Variants in FAN1 observed in about 807,000 individuals in gnomAD.
FAN1 encodes fanconi-associated nuclease 1.
In FAN1, 91 loss-of-function variants were observed where a neutral mutation model predicts 104.9. That is an observed-to-expected ratio of 0.87 (90% CI 0.73 to 1.03). FAN1 has a LOEUF of 1.03. Among genes scored for constraint, FAN1 ranks in the 50% least tolerant of loss-of-function variants. The pLI, the probability that FAN1 is intolerant of heterozygous loss-of-function variation, is 0.00. For synonymous variants in FAN1, 478 were observed against 457.6 expected, an observed-to-expected ratio of 1.04 and a Z score of -0.57; for missense variants, 1,263 against 1,239.9, an observed-to-expected ratio of 1.02 and a Z score of -0.28.
chr15:30,939,389 ACTG>A, intron 14 of FAN1: 3 of 985,430 alleles, frequency 3.0e-6, no homozygotes, highest in Non-Finnish European at 3.6e-6. Context: ...CAGCCACACC[ACTG>A]CTGTCACCAC....
At chr15:30,928,783 G>A in intron 11 of FAN1, 127 bp downstream of exon 11, 1 of 1,504,488 alleles carries the variant, frequency 6.6e-7, no homozygotes, top group South Asian at 1.3e-5. Flanking sequence ...GTCATCCACA[G>A]GTCAAGATGA....
Position 30,930,597 on chromosome 15 carries a change from G to T in FAN1, c.2842G>T (p.Ala948Ser), listed in dbSNP as rs756568550. 1.9e-6 allele frequency: 3 copies of T among 1,612,820 alleles called. No homozygotes were observed. Among genetic ancestry groups the T allele is most frequent in the African/African-American group, 1.3e-5 (1 of 74,852 alleles). ...PVLSGVCRHLAADFRHCRGGL... is the reference protein window; with the variant it reads ...PVLSGVCRHLSADFRHCRGGL... ...GCTCAGTGGTGTGTGCAGGCACCTG[G>T]CTGCTGACTTTCGACACTGTCGAGG... The change falls in exon 13 of 15, where the codon GCT becomes TCT. Residue 948 changes from alanine (A) to serine (S), a missense_variant. Transcript: ENST00000362065.
Position 30,943,091 on chromosome 15 carries a change from A to C in FAN1, c.*1529A>C. On this transcript the variant is annotated 3_prime_UTR_variant, in exon 15 of 15. Coordinates refer to ENST00000362065, the MANE Select transcript of FAN1 (RefSeq NM_014967.5). ...CAAATTCCTGCAAAATAAATAAATA[A>C]ATATTTGCAAAACTAAAGATTCTCT... is the stretch of plus-strand genomic sequence containing the variant. 6.5e-7 allele frequency: 1 copy of C among 1,528,586 alleles called. No individual in the cohort carries two copies. The highest frequency in any genetic ancestry group is 8.8e-7 in the Non-Finnish European group (1 of 1,138,548). The allele number at this position is 1,528,586 out of a possible 1,614,324, so 94.7% of individuals were successfully genotyped here. A position where few individuals can be genotyped will look rare whatever the true frequency, so the allele number is the denominator to read the frequency against.
chr15:30,929,745 C>A (rs12899378), intron 12 of FAN1, among the ~76,000 whole-genome samples: 11 of 35,420 alleles, frequency 3.1e-4, no homozygotes, highest in East Asian at 1.3e-3. Flanking sequence ...TATATTATAT[C>A]ATATATAATA....
intron 10 of FAN1, 123 bp downstream of exon 10, chr15:30,926,062 T>A: frequency 1.0e-6 from 1 of 995,220 alleles, no homozygotes; most frequent in South Asian, 1.5e-5. Context: ...GAAGATGCTG[T>A]GGGCTGGGGG....
Position 30,913,999 on chromosome 15 carries a change from A to G in FAN1, c.1719A>G (p.Thr573=), listed in dbSNP as rs751548724. ...AACGGQGQLS[T]VLLVNLGRME... is the part of the protein sequence containing the mutation. The stretch of plus-strand genomic sequence containing the variant: ...GTGGAGGTCAGGGACAGCTTTCAAC[A>G]GTCCTGTTGGTCAACCTCGGCCGAA... Residue 573 remains threonine, a synonymous_variant, in exon 5 of 15, where the codon ACA becomes ACG. Coordinates refer to ENST00000362065, the MANE Select transcript of FAN1 (RefSeq NM_014967.5). 3.5e-5 allele frequency: 57 copies of G among 1,614,062 alleles called. No homozygotes were observed. The highest frequency in any genetic ancestry group is 4.7e-5 in the Non-Finnish European group (55 of 1,180,010).
At chr15:30,912,815 T>C (rs2062126333) in intron 4 of FAN1, among the ~76,000 whole-genome samples, 1 of 152,142 alleles carries the variant, frequency 6.6e-6, no homozygotes, top group South Asian at 2.1e-4. Context: ...TCCTATAATT[T>C]ACAGGACAGC....
chr15:30,904,230 T>G (rs1227456583), intron 1 of FAN1, among the ~76,000 whole-genome samples: 2 of 152,214 alleles, frequency 1.3e-5, no homozygotes, highest in African/African-American at 4.8e-5. Flanking sequence ...ACAGTGGTCT[T>G]GTAAAGGGTC....
chr15:30,916,584 C>T (rs1363555695), intron 5 of FAN1, among the ~76,000 whole-genome samples: 1 of 152,168 alleles, frequency 6.6e-6, no homozygotes, highest in Admixed American at 6.5e-5. Flanking sequence ...TAATTGACTT[C>T]TGGAAAGGTA....
intron 6 of FAN1, among the ~76,000 whole-genome samples, chr15:30,918,643 C>T (rs566825224): frequency 1.3e-5 from 2 of 152,220 alleles, no homozygotes; most frequent in African/African-American, 4.8e-5. Context: ...ATGTGGGAAG[C>T]ATGGTAGGTG....
chr15:30,909,780 C>T (rs559925913), intron 3 of FAN1, among the ~76,000 whole-genome samples: 4 of 152,344 alleles, frequency 2.6e-5, no homozygotes, highest in South Asian at 4.1e-4. Flanking sequence ...GTTTCCACCA[C>T]GTGGCCACAC....
intron 13 of FAN1, among the ~76,000 whole-genome samples, chr15:30,933,914 TC>T (rs1442248529): frequency 3.3e-5 from 5 of 152,110 alleles, no homozygotes; most frequent in African/African-American, 1.2e-4. Context: ...GCATGCACCA[TC>T]ATGCCCAGCT....
In FAN1 at chr15:30,942,869, G is replaced by A. The variant is rs767753890; in HGVS notation, c.*1307G>A. On this transcript the variant is annotated 3_prime_UTR_variant, in exon 15 of 15. Transcript: ENST00000362065. ...TTGGTTACGTGTGAGCCAACATCAC[G>A]TTTTGTTAGCTGTGATTTACCTTTG... 3 of 1,546,856 alleles carry A rather than the reference G, an allele frequency of 1.9e-6. No homozygotes were observed. Among genetic ancestry groups the A allele is most frequent in the East Asian group, 2.4e-5 (1 of 41,914 alleles).
chr15:30,935,991 A>T (rs761345780), intron 13 of FAN1, among the ~76,000 whole-genome samples: 47 of 152,092 alleles, frequency 3.1e-4, no homozygotes, highest in Admixed American at 5.2e-4. Context: ...TCAAATTTGG[A>T]AAATTTTTGG....
At chr15:30,921,439 T>C (rs1159658924) in intron 7 of FAN1, among the ~76,000 whole-genome samples, 1 of 152,214 alleles carries the variant, frequency 6.6e-6, no homozygotes, top group Non-Finnish European at 1.5e-5. Context: ...TTTGTGAAAT[T>C]GCTAGATTTC....
At chr15:30,929,089 G>A in intron 11 of FAN1, 114 bp from the exon 12 acceptor site, 4 of 876,874 alleles carry the variant, frequency 4.6e-6, no homozygotes. Context: ...TATCTTTTGA[G>A]AGAAAGAATG....
At chr15:30,908,569 G>A (rs1158169820) in intron 3 of FAN1, among the ~76,000 whole-genome samples, 2 of 152,184 alleles carry the variant, frequency 1.3e-5, no homozygotes, top group Non-Finnish European at 2.9e-5. Flanking sequence ...ATCCCGGCCG[G>A]GCACGGTGGC....
chr15:30,905,366 A>G lies in FAN1; in HGVS notation c.703A>G (p.Lys235Glu). 1 of 1,614,080 alleles carries G rather than the reference A, an allele frequency of 6.2e-7. No homozygotes were observed. The highest frequency in any genetic ancestry group is 8.5e-7 in the Non-Finnish European group (1 of 1,180,008). Residue 235 changes from lysine to glutamate, a missense_variant, in exon 2 of 15, where the codon AAA (lysine) becomes GAA (glutamate). Around this residue, in one of 2 missense-constraint regions of FAN1, gnomAD observed 682 missense variants for 571.1 expected, o/e 1.19. Coordinates refer to ENST00000362065, the MANE Select transcript of FAN1 (RefSeq NM_014967.5). The part of the protein sequence containing the change: ...CIPEHMVRGS[K>E]IMEAESQKAT... ...TCCTGAACATATGGTAAGAGGAAGT[A>G]AAATAATGGAAGCCGAAAGCCAAAA...
rs745892595 is a variant in FAN1, at chr15:30,925,203, C to T, written c.2249C>T (p.Ala750Val). The change falls in exon 9 of 15, where the codon GCC (alanine) becomes GTC (valine). Residue 750 changes from alanine to valine, a missense_variant. By Grantham distance (64) the Ala-to-Val change is moderately conservative. This residue lies in a region of FAN1 where 581 missense variants were observed against 668.8 expected (regional missense o/e 0.87). Coordinates refer to ENST00000362065, the MANE Select transcript of FAN1 (RefSeq NM_014967.5). ...CACCGCCTTTCACTGTATCAGCGAG[C>T]CGTGCGCCTGCGAGAGTCTCCGAGC... ...TGHRLSLYQRAVRLRESPSCK... is the reference protein window; with the variant it reads ...TGHRLSLYQRVVRLRESPSCK... 1.2e-6 allele frequency: 2 copies of T among 1,614,030 alleles called. No individual in the cohort carries two copies. The highest frequency in any genetic ancestry group is 1.7e-6 in the Non-Finnish European group (2 of 1,179,998).
Sources: gnomAD v4.1 joint callset for allele counts (sites outside exome capture counted in the v4.1 genomes callset) on GRCh38, gnomAD v4.1.1 for gene constraint, gnomAD v4.1.1 regional missense constraint, MANE v1.5 for transcripts, NCBI Gene and HGNC (gene_info 2026-07-23, HGNC 2026-07-21) for gene names.